The following PRKAG2 variants were observed in gnomAD, a reference collection of about 807,000 sequenced individuals.
PRKAG2 encodes 5'-AMP-activated protein kinase subunit gamma-2.
A neutral mutation model predicts 69.6 loss-of-function variants in PRKAG2; 26 were observed. That is an observed-to-expected ratio of 0.37 (90% CI 0.27 to 0.52). PRKAG2 has a LOEUF of 0.52. Among genes scored for constraint, PRKAG2 ranks in the 20% least tolerant of loss-of-function variants. The pLI is 0.90. For missense variants in PRKAG2, 557 were observed against 740.0 expected, an observed-to-expected ratio of 0.75 and a Z score of 2.87; for synonymous variants, 293 against 285.0, an observed-to-expected ratio of 1.03 and a Z score of -0.28.
intron 4 of PRKAG2, among the ~76,000 whole-genome samples, chr7:151,643,441 A>G (rs1827080966): frequency 6.6e-6 from 1 of 152,254 alleles, no homozygotes. Flanking sequence ...GATCACTGTT[A>G]ACTGTTTTTC....
Position 151,621,085 on chromosome 7 carries a change from C to T in PRKAG2, c.754+10984G>A, listed in dbSNP as rs540475609. 4.6e-5 allele frequency among the ~76,000 whole-genome samples: 7 copies of T among 152,316 alleles called. No individual in the cohort carries two copies. In the South Asian group the frequency reaches 1.5e-3, roughly 32 times the overall value. On this transcript the variant is annotated intron_variant, in intron 5 of 15. Coordinates refer to ENST00000287878, the MANE Select transcript of PRKAG2 (RefSeq NM_016203.4). ...AAACCTTACTTGACCACAATATATTCGGCTTTTAATCCTGCATAGCTAGTG... is the reference window on the plus strand; with the variant it reads ...AAACCTTACTTGACCACAATATATTTGGCTTTTAATCCTGCATAGCTAGTG...
At chr7:151,876,393 G>T in intron 1 of PRKAG2, 114 bp downstream of exon 1, 2 of 1,057,020 alleles carry the variant, frequency 1.9e-6, no homozygotes, top group Non-Finnish European at 2.9e-6. Flanking sequence ...GCCGCCCGAA[G>T]TGACAGGAGG....
chr7:151,749,754 G>A (rs1180925081), intron 3 of PRKAG2, among the ~76,000 whole-genome samples: 2 of 145,232 alleles, frequency 1.4e-5, no homozygotes, highest in East Asian at 2.0e-4. Context: ...AGCAATGGTA[G>A]ACCACTTCAC....
rs1048711294 is a variant in PRKAG2, at chr7:151,565,934, T to A, written c.1234-49A>T. On this transcript the variant is annotated intron_variant, in intron 11 of 15. Transcript: ENST00000287878. ...GTTCTAGACCCAGAACACACTCTTG[T>A]CATGTTCAAAGGTCCAGATTTGAAT... is the stretch of plus-strand genomic sequence containing the variant. 1.9e-6 allele frequency: 3 copies of A among 1,567,206 alleles called. No individual in the cohort carries two copies. In the Admixed American group the frequency reaches 5.0e-5, roughly 26 times the overall value.
chr7:151,721,093 G>A (rs563355245), intron 3 of PRKAG2, among the ~76,000 whole-genome samples: 5 of 151,498 alleles, frequency 3.3e-5, no homozygotes, highest in South Asian at 4.3e-4. Flanking sequence ...GGACACAGAG[G>A]GCAGAGGGGG....
chr7:151,712,357 GC>G (rs1483594185), intron 3 of PRKAG2, among the ~76,000 whole-genome samples: 1 of 152,180 alleles, frequency 6.6e-6, no homozygotes, highest in African/African-American at 2.4e-5. Context: ...AGATGGGGTG[GC>G]CACCGCAGGA....
intron 6 of PRKAG2, among the ~76,000 whole-genome samples, chr7:151,581,589 A>C (rs200031931): frequency 9.4e-6 from 1 of 106,394 alleles, no homozygotes; most frequent in East Asian, 3.6e-4. Flanking sequence ...GTAATAATTT[A>C]AAAAAACCCA....
At chr7:151,605,394 A>G (rs1817258968) in intron 5 of PRKAG2, among the ~76,000 whole-genome samples, 1 of 152,060 alleles carries the variant, frequency 6.6e-6, no homozygotes. Flanking sequence ...TAATTTTAAA[A>G]ACAAAAATAA....
intron 3 of PRKAG2, among the ~76,000 whole-genome samples, chr7:151,688,109 A>G (rs1835055689): frequency 6.6e-6 from 1 of 150,704 alleles, no homozygotes; most frequent in African/African-American, 2.4e-5. Flanking sequence ...GAAATAAGGG[A>G]AGGACACCAA....
At chr7:151,619,467 G>C (rs563641465) in intron 5 of PRKAG2, among the ~76,000 whole-genome samples, 4 of 152,328 alleles carry the variant, frequency 2.6e-5, no homozygotes, top group African/African-American at 9.6e-5. Flanking sequence ...TTTATCAGTA[G>C]CATAGAAATA....
At chr7:151,845,788 G>A (rs1182053511) in intron 1 of PRKAG2, among the ~76,000 whole-genome samples, 1 of 152,230 alleles carries the variant, frequency 6.6e-6, no homozygotes, top group East Asian at 1.9e-4. Flanking sequence ...GGAGATCAGA[G>A]CTCTTCCCAA....
At chr7:151,783,365 G>A (rs1049479361) in intron 2 of PRKAG2, among the ~76,000 whole-genome samples, 1 of 152,032 alleles carries the variant, frequency 6.6e-6, no homozygotes, top group Non-Finnish European at 1.5e-5. Context: ...TTTGAGACAG[G>A]GTCTCCCTCT....
At chr7:151,754,720 G>A (rs909234510) in intron 3 of PRKAG2, among the ~76,000 whole-genome samples, 2 of 16,008 alleles carry the variant, frequency 1.2e-4, no homozygotes, top group Non-Finnish European at 2.5e-4. Context: ...CCCCTCCGCC[G>A]CACCTGACTC....
At position 151,613,844 on chromosome 7, in the gene PRKAG2, C is replaced by T. The variant is rs1293601135; in HGVS notation, c.754+18225G>A. ...TTTGAGATGGAGTCTCGCTCTGTTGCCCAGGCTGGAGTGCAGTGGACGATC... is the reference window on the plus strand; with the variant it reads ...TTTGAGATGGAGTCTCGCTCTGTTGTCCAGGCTGGAGTGCAGTGGACGATC... On this transcript the variant is annotated intron_variant, in intron 5 of 15. Coordinates refer to ENST00000287878, the MANE Select transcript of PRKAG2 (RefSeq NM_016203.4). 1.5e-5 allele frequency among the ~76,000 whole-genome samples: 2 copies of T among 136,734 alleles called. 1 individual carries two copies. 89.7% of individuals were successfully genotyped at this position (136,734 alleles called of 152,430 possible). A position where few individuals can be genotyped will look rare whatever the true frequency, so the allele number is the denominator to read the frequency against.
chr7:151,827,264 G>A (rs2078922749), intron 1 of PRKAG2, among the ~76,000 whole-genome samples: 1 of 151,896 alleles, frequency 6.6e-6, no homozygotes, highest in South Asian at 2.1e-4. Context: ...TTTGAGACAG[G>A]GTCTCACTCT....
intron 4 of PRKAG2, among the ~76,000 whole-genome samples, chr7:151,637,964 C>T (rs925948044): frequency 2.0e-5 from 3 of 152,006 alleles, no homozygotes; most frequent in Admixed American, 6.6e-5. Context: ...AGGGGAAGGG[C>T]GTGGGCAATG....
At chr7:151,815,297 G>A (rs2078608571) in intron 1 of PRKAG2, among the ~76,000 whole-genome samples, 2 of 152,128 alleles carry the variant, frequency 1.3e-5, no homozygotes, top group South Asian at 4.1e-4. Flanking sequence ...GACACCTGGG[G>A]CCTTGCTGAT....
chr7:151,605,994 C>G (rs1462550159), intron 5 of PRKAG2, among the ~76,000 whole-genome samples: 1 of 150,858 alleles, frequency 6.6e-6, no homozygotes, highest in East Asian at 1.9e-4. Context: ...TTGCAGTGAG[C>G]TGAGATTGTG....
At chr7:151,702,155 C>T (rs1045203426) in intron 3 of PRKAG2, among the ~76,000 whole-genome samples, 9 of 152,306 alleles carry the variant, frequency 5.9e-5, no homozygotes, top group Non-Finnish European at 1.3e-4. Context: ...TCCCCCTGTG[C>T]GGGGAGTTCG....
Sources: gnomAD v4.1 joint callset for allele counts (sites outside exome capture counted in the v4.1 genomes callset) on GRCh38, gnomAD v4.1.1 for gene constraint, MANE v1.5 for transcripts, NCBI Gene and HGNC (gene_info 2026-07-23, HGNC 2026-07-21) for gene names.